The following FARP1 variants were observed in gnomAD, a reference collection of about 807,000 sequenced individuals.
FARP1 encodes FERM, ARH/RhoGEF and pleckstrin domain protein 1.
FARP1 carries 52 observed loss-of-function variants against 128.8 expected under a neutral mutation model. The ratio of observed to expected loss-of-function variants is 0.40; its 90% CI spans 0.32 to 0.51. The LOEUF (loss-of-function observed/expected upper bound fraction) is 0.51. Among genes scored for constraint, FARP1 ranks in the 20% least tolerant of loss-of-function variants. The pLI is 0.45. For missense variants in FARP1, 1,333 were observed against 1,367.9 expected, an observed-to-expected ratio of 0.97 and a Z score of 0.40; for synonymous variants, 580 against 551.8, an observed-to-expected ratio of 1.05 and a Z score of -0.72.
At chr13:98,166,008 C>T (rs959283304) in intron 1 of FARP1, among the ~76,000 whole-genome samples, 4 of 152,064 alleles carry the variant, frequency 2.6e-5, no homozygotes, top group African/African-American at 7.2e-5. Context: ...GTGTGAGCCA[C>T]TGCGCCCAGC....
At position 98,213,278 on chromosome 13, in the gene FARP1, A is replaced by G. The variant is rs2139326167; in HGVS notation, c.36A>G (p.Ser12=). 1.2e-6 allele frequency: 2 copies of G among 1,614,046 alleles called. No homozygotes were observed. The highest frequency in any genetic ancestry group is 1.7e-6 in the Non-Finnish European group (2 of 1,179,964). ...GEIEQRPTPG[S]RLGAPENSGI... Reference sequence around the variant, plus strand: ...TAGAGCAGAGGCCGACCCCAGGATCACGACTGGGGGCCCCGGAAAATTCGG... The same window carrying G: ...TAGAGCAGAGGCCGACCCCAGGATCGCGACTGGGGGCCCCGGAAAATTCGG... The change falls in exon 2 of 27, where the codon TCA becomes TCG. Residue 12 remains serine, a synonymous_variant. Coordinates refer to ENST00000319562, the MANE Select transcript of FARP1 (RefSeq NM_005766.4).
chr13:98,182,020 G>A (rs1347608569), intron 1 of FARP1, among the ~76,000 whole-genome samples: 4 of 151,988 alleles, frequency 2.6e-5, no homozygotes, highest in East Asian at 1.9e-4. Flanking sequence ...TAAATACTAA[G>A]AGATTAGAAT....
intron 2 of FARP1, among the ~76,000 whole-genome samples, chr13:98,339,558 C>T (rs1422451506): frequency 6.6e-6 from 1 of 152,146 alleles, no homozygotes; most frequent in Non-Finnish European, 1.5e-5. Context: ...CATTTCAGCC[C>T]TTAGTGATGT....
chr13:98,444,839 C>T (rs1892722628), intron 24 of FARP1, among the ~76,000 whole-genome samples: 1 of 152,162 alleles, frequency 6.6e-6, no homozygotes, highest in African/African-American at 2.4e-5. Context: ...TGCCACCCTC[C>T]TTGCTCCATG....
At chr13:98,247,610 G>A (rs1253352792) in intron 2 of FARP1, among the ~76,000 whole-genome samples, 17 of 152,166 alleles carry the variant, frequency 1.1e-4, no homozygotes, top group Admixed American at 1.1e-3. Context: ...TGAGCTCAGG[G>A]CTCTGCTGGG....
chr13:98,430,177 A>G (rs1041795010), intron 17 of FARP1, among the ~76,000 whole-genome samples: 9 of 152,118 alleles, frequency 5.9e-5, no homozygotes, highest in African/African-American at 1.9e-4. Context: ...CCTTGAGCCC[A>G]GGAGTTCGAG....
intron 2 of FARP1, among the ~76,000 whole-genome samples, chr13:98,320,058 T>C (rs1290263631): frequency 6.6e-6 from 1 of 152,144 alleles, no homozygotes; most frequent in East Asian, 1.9e-4. Context: ...GAGCCAGGCC[T>C]GTGTGGTCAG....
chr13:98,155,344 A>AAC, intron 1 of FARP1, among the ~76,000 whole-genome samples: 1 of 9,786 alleles, frequency 1.0e-4, no homozygotes, highest in African/African-American at 1.3e-4. Flanking sequence ...ACTCTGTCTC[A>AAC]AAAAAAAAAA....
chr13:98,323,995 C>G (rs1389020161), intron 2 of FARP1, among the ~76,000 whole-genome samples: 3 of 152,196 alleles, frequency 2.0e-5, no homozygotes. Context: ...AGTTTCATCA[C>G]AACTTGAACT....
chr13:98,331,857 T>C (rs1887522929), intron 2 of FARP1: 1 of 152,158 alleles, frequency 6.6e-6, no homozygotes, highest in Non-Finnish European at 1.5e-5. Flanking sequence ...TTCTATGCTG[T>C]TCCCAAATAT....
intron 3 of FARP1, among the ~76,000 whole-genome samples, chr13:98,363,099 T>G (rs1362879053): frequency 6.6e-6 from 1 of 152,184 alleles, no homozygotes; most frequent in Non-Finnish European, 1.5e-5. Context: ...AATACAAATC[T>G]AATCATGTCC....
chr13:98,172,698 T>C (rs1422730086), intron 1 of FARP1, among the ~76,000 whole-genome samples: 17 of 152,192 alleles, frequency 1.1e-4, no homozygotes, highest in Admixed American at 1.1e-3. Context: ...AACCAGCTTT[T>C]CAAGAGTGCT....
chr13:98,263,112 G>A (rs576837627), intron 2 of FARP1, among the ~76,000 whole-genome samples: 7 of 152,130 alleles, frequency 4.6e-5, no homozygotes, highest in Admixed American at 1.3e-4. Flanking sequence ...GGTTTCAAGC[G>A]ATTCTCCTGC....
intron 2 of FARP1, among the ~76,000 whole-genome samples, chr13:98,274,801 AAGC>A (rs974713968): frequency 6.6e-6 from 1 of 152,150 alleles, no homozygotes; most frequent in African/African-American, 2.4e-5. Flanking sequence ...CACATATTAA[AAGC>A]TGGTACCAGT....
At chr13:98,286,463 G>C (rs1440200991) in intron 2 of FARP1, among the ~76,000 whole-genome samples, 1 of 152,164 alleles carries the variant, frequency 6.6e-6, no homozygotes, top group Admixed American at 6.5e-5. Flanking sequence ...TCTCATGGTA[G>C]TGAGTAAGTC....
chr13:98,210,106 AG>A (rs1880586987), intron 1 of FARP1, among the ~76,000 whole-genome samples: 1 of 152,094 alleles, frequency 6.6e-6, no homozygotes, highest in South Asian at 2.1e-4. Context: ...AAGGGGGAAT[AG>A]TTGGTGGGGT....
At chr13:98,308,029 C>CT (rs1886253580) in intron 2 of FARP1, among the ~76,000 whole-genome samples, 3 of 114,930 alleles carry the variant, frequency 2.6e-5, no homozygotes, top group African/African-American at 1.1e-4. Context: ...CCCCCACTCT[C>CT]TCTCTTTTTT....
chr13:98,155,408 A>G (rs540983129), intron 1 of FARP1, among the ~76,000 whole-genome samples: 188 of 151,738 alleles, frequency 1.2e-3, no homozygotes, highest in African/African-American at 3.9e-3. Flanking sequence ...GGAGCCCGAT[A>G]AGCTCCTTAG....
At chr13:98,338,632 A>G (rs1887838912) in intron 2 of FARP1, 1 of 152,220 alleles carries the variant, frequency 6.6e-6, no homozygotes, top group Non-Finnish European at 1.5e-5. Flanking sequence ...ACGTGGATTT[A>G]CAAAACTCTG....
Sources: gnomAD v4.1 joint callset for allele counts (sites outside exome capture counted in the v4.1 genomes callset) on GRCh38, gnomAD v4.1.1 for gene constraint, MANE v1.5 for transcripts, NCBI Gene and HGNC (gene_info 2026-07-23, HGNC 2026-07-21) for gene names.